RANGAP1: variants seen among roughly 807,000 people sequenced by gnomAD.
RANGAP1 encodes the protein Ran GTPase activating protein 1.
In RANGAP1, 38 loss-of-function variants were observed where a neutral mutation model predicts 63.5. The observed-to-expected ratio is 0.60, with a 90% CI of 0.46 to 0.78. The LOEUF is 0.78. RANGAP1 is among the 30% of genes least tolerant of loss of function. The probability of loss-of-function intolerance (pLI) is 0.00; values close to 1 mark genes in which losing one functional copy is unlikely to be tolerated. For missense variants in RANGAP1, 630 were observed against 740.3 expected (o/e 0.85, Z 1.73); for synonymous variants, 329 against 310.5 (o/e 1.06, Z -0.63).
In RANGAP1 at chr22:41,271,711, G is replaced by A. The variant is rs1017429271; in HGVS notation, c.240+2889C>T. ...CCGTCTCAAAAAAAAAAAAAAAAGAGCTTGGGCTGACACCTGGACTCCACC... is the reference window on the plus strand; with the variant it reads ...CCGTCTCAAAAAAAAAAAAAAAAGAACTTGGGCTGACACCTGGACTCCACC... On this transcript the variant is annotated intron_variant, in intron 3 of 15. Transcript: ENST00000356244. Among the ~76,000 whole-genome samples the A allele has an allele frequency of 2.0e-5, 3 of 150,128 alleles. No individual in the cohort carries two copies. In the East Asian group the frequency reaches 5.8e-4, roughly 29 times the overall value.
upstream of RANGAP1, among the ~76,000 whole-genome samples, chr22:41,287,143 T>G (rs555153384): frequency 1.2e-4 from 19 of 152,234 alleles, no homozygotes; most frequent in Admixed American, 2.6e-4. Flanking sequence ...TGTAAGAGAC[T>G]GCCCTTGTTC....
the RANGAP1 span, among the ~76,000 whole-genome samples, chr22:41,299,874 C>T: frequency 6.6e-6 from 1 of 152,062 alleles, no homozygotes; most frequent in African/African-American, 2.4e-5. Context: ...GTCTCAGCCT[C>T]CTGTGTAGCT....
intron 8 of RANGAP1, 23 bp from the exon 9 acceptor site, chr22:41,256,313 G>C: frequency 1.2e-6 from 2 of 1,610,094 alleles, no homozygotes; most frequent in Non-Finnish European, 1.7e-6. Context: ...GGAAGGGTTG[G>C]AGGCAGGCAG....
At chr22:41,247,098 C>T (rs1421702287) in intron 15 of RANGAP1, among the ~76,000 whole-genome samples, 2 of 152,140 alleles carry the variant, frequency 1.3e-5, no homozygotes, top group Non-Finnish European at 2.9e-5. Context: ...CTCTGTCACC[C>T]AGGCTGGAGT....
At position 41,256,780 on chromosome 22, in the gene RANGAP1, G is replaced by A. The variant is rs1389921014; in HGVS notation, c.819C>T (p.Asp273=). The change falls in exon 8 of 16, where the codon GAC becomes GAT. Residue 273 remains aspartate, a synonymous_variant. Transcript: ENST00000356244. ...LRQVEVINFG[D]CLVRSKGAVA... Reference sequence around the variant, plus strand: ...CTGCACCCTTGGAGCGCACCAGGCAGTCCCCAAAATTAATCACCTCCACCT... The same window carrying A: ...CTGCACCCTTGGAGCGCACCAGGCAATCCCCAAAATTAATCACCTCCACCT... 3 of 1,614,148 alleles carry A rather than the reference G, an allele frequency of 1.9e-6. No individual in the cohort carries two copies. Among genetic ancestry groups the A allele is most frequent in the Non-Finnish European group, 8.5e-7 (1 of 1,180,040 alleles).
chr22:41,284,892 A>T (rs2035677344), intron 1 of RANGAP1: 1 of 152,224 alleles, frequency 6.6e-6, no homozygotes, highest in African/African-American at 2.4e-5. Flanking sequence ...CCAGTGCAAT[A>T]ACTCACACCT....
In RANGAP1 at chr22:41,274,430, G is replaced by T. The variant is rs945620013; in HGVS notation, c.240+170C>A. On this transcript the variant is annotated intron_variant, in intron 3 of 15. Coordinates refer to ENST00000356244, the MANE Select transcript of RANGAP1 (RefSeq NM_002883.4). ...CAAGGTCTGCTGACTACAGGGAGAGGGTCCCTAGCCAATGCTGTGTGCCCT... is the reference window on the plus strand; with the variant it reads ...CAAGGTCTGCTGACTACAGGGAGAGTGTCCCTAGCCAATGCTGTGTGCCCT... Among the ~76,000 whole-genome samples, 9 of 152,318 alleles carry T rather than the reference G, an allele frequency of 5.9e-5. No homozygotes were observed. In the South Asian group the frequency reaches 6.2e-4, roughly 11 times the overall value.
chr22:41,256,162 C>T (rs1255855484), intron 9 of RANGAP1, 29 bp downstream of exon 9: 22 of 1,613,808 alleles, frequency 1.4e-5, no homozygotes, highest in Non-Finnish European at 1.7e-5. Flanking sequence ...CCTAGCAGAC[C>T]TGTGCAGAGG....
chr22:41,256,055 C>T lies in RANGAP1; in HGVS notation c.1039G>A (p.Gly347Ser). 4 of 1,614,000 alleles carry T rather than the reference C, an allele frequency of 2.5e-6. No homozygotes were observed. Among genetic ancestry groups the T allele is most frequent in the Non-Finnish European group, 2.5e-6 (3 of 1,180,036 alleles). Reference sequence around the variant, plus strand: ...GCCAGCACCTTGGCCATGTTGAAGCCCTCCAGCACCTCCTGAAGCTGTTCA... The same window carrying T: ...GCCAGCACCTTGGCCATGTTGAAGCTCTCCAGCACCTCCTGAAGCTGTTCA... ...GCEQLQEVLE[G>S]FNMAKVLASL... The change falls in exon 10 of 16, where the codon GGC (glycine) becomes AGC (serine). Residue 347 changes from glycine (G) to serine (S), a missense_variant. By Grantham distance (56) the Gly-to-Ser change is moderately conservative (BLOSUM62 0). Transcript: ENST00000356244.
chr22:41,256,342 C>T (rs2033833829), intron 8 of RANGAP1, 52 bp from the exon 9 acceptor site: 1 of 1,546,864 alleles, frequency 6.5e-7, no homozygotes, highest in East Asian at 2.2e-5. Flanking sequence ...GCCAGGACAC[C>T]AGGTTCTACT....
intron 8 of RANGAP1, 137 bp downstream of exon 8, chr22:41,256,574 C>T: frequency 1.3e-6 from 1 of 740,958 alleles, no homozygotes; most frequent in Non-Finnish European, 2.2e-6. Context: ...GAGGCTCACA[C>T]AGCATCACAG....
chr22:41,271,076 C>G (rs879807637), intron 3 of RANGAP1, among the ~76,000 whole-genome samples: 7 of 152,114 alleles, frequency 4.6e-5, no homozygotes, highest in African/African-American at 1.2e-4. Context: ...TGATCTCCCA[C>G]GAGAACAGCA....
At chr22:41,297,074 G>A in the RANGAP1 span, among the ~76,000 whole-genome samples, 3 of 152,194 alleles carry the variant, frequency 2.0e-5, no homozygotes, top group Non-Finnish European at 4.4e-5. Context: ...GCCGGGTGTG[G>A]TGGCGCATAT....
Position 41,249,798 on chromosome 22 carries a change from A to C in RANGAP1, c.1503T>G (p.Ala501=). 2 of 1,614,010 alleles carry C rather than the reference A, an allele frequency of 1.2e-6. No homozygotes were observed. Among genetic ancestry groups the C allele is most frequent in the South Asian group, 2.2e-5 (2 of 91,082 alleles). ...QDAVDALMQK[A]FNSSSFNSNT... is the part of the protein sequence containing the mutation. Reference sequence around the variant, plus strand: ...TGGAGTTGAAGGACGAGGAGTTGAAAGCCTTCTGCATCAGGGCATCTGTAG... The same window carrying C: ...TGGAGTTGAAGGACGAGGAGTTGAACGCCTTCTGCATCAGGGCATCTGTAG... Residue 501 remains alanine, a synonymous_variant, in exon 14 of 16, where the codon GCT becomes GCG. Coordinates refer to ENST00000356244, the MANE Select transcript of RANGAP1 (RefSeq NM_002883.4).
intron 2 of RANGAP1, among the ~76,000 whole-genome samples, chr22:41,280,238 C>T (rs1181192653): frequency 6.6e-6 from 1 of 152,234 alleles, no homozygotes; most frequent in Non-Finnish European, 1.5e-5. Flanking sequence ...AGGCTGCCTA[C>T]ACAACATGAC....
At chr22:41,293,109 C>T in the RANGAP1 span, among the ~76,000 whole-genome samples, 10 of 151,954 alleles carry the variant, frequency 6.6e-5, no homozygotes, top group Admixed American at 2.6e-4. Flanking sequence ...TTGGCGGGCG[C>T]CTGTAGTCCC....
the RANGAP1 span, among the ~76,000 whole-genome samples, chr22:41,293,468 A>T: frequency 2.6e-5 from 4 of 152,064 alleles, no homozygotes; most frequent in African/African-American, 9.7e-5. Flanking sequence ...TTTAGTATAA[A>T]TGCAAAAGAG....
chr22:41,295,502 A>G, the RANGAP1 span, among the ~76,000 whole-genome samples: 1 of 151,874 alleles, frequency 6.6e-6, no homozygotes, highest in East Asian at 1.9e-4. Flanking sequence ...TGAAGGCAGC[A>G]TGCTCCTTAA....
At chr22:41,253,874 G>A (rs762324883) in intron 11 of RANGAP1, among the ~76,000 whole-genome samples, 4 of 152,090 alleles carry the variant, frequency 2.6e-5, no homozygotes, top group African/African-American at 4.8e-5. Context: ...TTGGGAGGTC[G>A]AGGAGGGTGG....
Sources: gnomAD v4.1 joint callset for allele counts (sites outside exome capture counted in the v4.1 genomes callset) on GRCh38, gnomAD v4.1.1 for gene constraint, MANE v1.5 for transcripts, NCBI Gene and HGNC (gene_info 2026-07-23, HGNC 2026-07-21) for gene names.